AMPH: variants seen among roughly 807,000 people sequenced by gnomAD.
The protein encoded by AMPH is amphiphysin (Stiff-Mann syndrome with breast cancer 128kD autoantigen).
A neutral mutation model predicts 99.1 loss-of-function variants in AMPH; 49 were observed. That is an observed-to-expected ratio of 0.49 (90% CI 0.39 to 0.63). The LOEUF is 0.63. Ranked by LOEUF, AMPH falls within the 20% of genes least tolerant of loss-of-function variation. The pLI is 0.00. For synonymous variants in AMPH, 314 were observed against 317.3 expected, an observed-to-expected ratio of 0.99 and a Z score of 0.11; for missense variants, 759 against 863.4, an observed-to-expected ratio of 0.88 and a Z score of 1.52.
At chr7:38,490,416 AT>A (rs1788675540) in intron 5 of AMPH, among the ~76,000 whole-genome samples, 1 of 152,164 alleles carries the variant, frequency 6.6e-6, no homozygotes, top group Admixed American at 6.5e-5. Context: ...TCCAGAGTCA[AT>A]TCCAAATCTA....
intron 1 of AMPH, among the ~76,000 whole-genome samples, chr7:38,608,668 A>T (rs1201242002): frequency 6.6e-6 from 1 of 152,196 alleles, no homozygotes; most frequent in Non-Finnish European, 1.5e-5. Context: ...ATCAATACTG[A>T]CATCAAACAG....
At chr7:38,624,224 A>G (rs1794165003) in intron 1 of AMPH, among the ~76,000 whole-genome samples, 1 of 152,154 alleles carries the variant, frequency 6.6e-6, no homozygotes, top group Admixed American at 6.5e-5. Context: ...CTTGTCCTCA[A>G]GTACCTACAA....
intron 14 of AMPH, among the ~76,000 whole-genome samples, chr7:38,427,456 A>C (rs953846532): frequency 1.3e-5 from 2 of 152,246 alleles, no homozygotes; most frequent in African/African-American, 4.8e-5. Flanking sequence ...CTTCAGGAAC[A>C]GTAAATTAGT....
intron 20 of AMPH, among the ~76,000 whole-genome samples, chr7:38,387,972 A>G (rs13242630): frequency 6.6e-6 from 1 of 152,016 alleles, no homozygotes; most frequent in Non-Finnish European, 1.5e-5. Flanking sequence ...TAAAGAGTTG[A>G]AAGAAAAAAA....
chr7:38,485,771 G>A (rs1788467081), intron 5 of AMPH, among the ~76,000 whole-genome samples: 1 of 151,786 alleles, frequency 6.6e-6, no homozygotes, highest in Admixed American at 6.6e-5. Context: ...ATTATACCAG[G>A]TATCTTTTCC....
chr7:38,559,559 T>C (rs1270060649), intron 1 of AMPH, among the ~76,000 whole-genome samples: 2 of 152,230 alleles, frequency 1.3e-5, no homozygotes, highest in Non-Finnish European at 2.9e-5. Context: ...CTTGTCTCTC[T>C]GACACTTGGG....
At chr7:38,419,297 C>A (rs1039636312) in intron 16 of AMPH, among the ~76,000 whole-genome samples, 2 of 152,002 alleles carry the variant, frequency 1.3e-5, no homozygotes, top group Non-Finnish European at 2.9e-5. Flanking sequence ...TATGAATAGC[C>A]TAGTGTTGGA....
Position 38,384,344 on chromosome 7 carries a change from G to A in AMPH, c.*474C>T, listed in dbSNP as rs778244760. 5.7e-5 allele frequency: 9 copies of A among 158,412 alleles called. No individual in the cohort carries two copies. The highest frequency in any genetic ancestry group is 1.1e-4 in the Non-Finnish European group (8 of 71,106). The allele number at this position is 158,412 out of a possible 1,614,324, so 9.8% of individuals were successfully genotyped here. On this transcript the variant is annotated 3_prime_UTR_variant, in exon 21 of 21. Coordinates refer to ENST00000356264, the MANE Select transcript of AMPH (RefSeq NM_001635.4). ...TAGATGTGTTGGAAAAGAACATTGA[G>A]AACTTTTGCAGCAGTTTAGTTTTAA...
At chr7:38,398,986 TG>T (rs762141516) in intron 17 of AMPH, among the ~76,000 whole-genome samples, 3 of 151,664 alleles carry the variant, frequency 2.0e-5, no homozygotes, top group Non-Finnish European at 2.9e-5. Flanking sequence ...GCACCTCAGC[TG>T]TGATTTTTGT....
chr7:38,390,357 C>T (rs757463425), intron 19 of AMPH, among the ~76,000 whole-genome samples: 8 of 152,158 alleles, frequency 5.3e-5, no homozygotes, highest in Non-Finnish European at 8.8e-5. Context: ...ATATTTCCTT[C>T]CTTCCCTATC....
chr7:38,432,082 T>C, intron 13 of AMPH, 107 bp downstream of exon 13: 2 of 998,212 alleles, frequency 2.0e-6, no homozygotes, highest in East Asian at 4.7e-5. Context: ...TATATCATCA[T>C]TAAATGTATG....
rs1584326284 is a variant in AMPH, at chr7:38,631,359, G to A, written c.-8C>T. ...CGTCTTGATGTCGGCCATGGCTGCG[G>A]GTCCGGGGAGCTGCGAAGAGCAGAG... On this transcript the variant is annotated 5_prime_UTR_variant, in exon 1 of 21. Coordinates refer to ENST00000356264, the MANE Select transcript of AMPH (RefSeq NM_001635.4). 6.5e-7 allele frequency: 1 copy of A among 1,546,150 alleles called. No homozygotes were observed. Among genetic ancestry groups the A allele is most frequent in the Non-Finnish European group, 8.7e-7 (1 of 1,147,422 alleles).
intron 5 of AMPH, among the ~76,000 whole-genome samples, chr7:38,480,722 T>C (rs994941017): frequency 6.6e-6 from 1 of 152,170 alleles, no homozygotes; most frequent in South Asian, 2.1e-4. Context: ...TTAGGTATGG[T>C]GAACACCATG....
intron 7 of AMPH, 101 bp downstream of exon 7, chr7:38,475,230 G>T: frequency 1.3e-6 from 1 of 767,004 alleles, no homozygotes; most frequent in South Asian, 1.7e-5. Flanking sequence ...TCACTGGACA[G>T]TGTTGAAATG....
At chr7:38,521,853 G>A (rs1284626164) in intron 2 of AMPH, among the ~76,000 whole-genome samples, 1 of 152,136 alleles carries the variant, frequency 6.6e-6, no homozygotes, top group Non-Finnish European at 1.5e-5. Context: ...CTATGTATCT[G>A]AGACCAGGAC....
chr7:38,504,898 T>G (rs992788618), intron 2 of AMPH, among the ~76,000 whole-genome samples: 5 of 152,222 alleles, frequency 3.3e-5, no homozygotes, highest in African/African-American at 1.2e-4. Flanking sequence ...CATAGTCATT[T>G]AACAAAATTG....
chr7:38,581,275 TC>T (rs1792448360), intron 1 of AMPH, among the ~76,000 whole-genome samples: 1 of 150,782 alleles, frequency 6.6e-6, no homozygotes, highest in Admixed American at 6.6e-5. Context: ...GGAATTGCAA[TC>T]TTAAAATGGG....
intron 17 of AMPH, among the ~76,000 whole-genome samples, chr7:38,407,904 C>T (rs1785097995): frequency 6.6e-6 from 1 of 152,144 alleles, no homozygotes; most frequent in Non-Finnish European, 1.5e-5. Context: ...TTCTGCTTGA[C>T]AGTTTTGATA....
Position 38,433,656 on chromosome 7 carries a change from C to T in AMPH, c.1135-1444G>A, listed in dbSNP as rs1786130658. On this transcript the variant is annotated intron_variant, in intron 12 of 20. Transcript: ENST00000356264. ...AGGAGAATGGCATGAACCCGGGAGG[C>T]GGAGCTTGCAGTGAGCCGAGATCCT... 5.3e-5 allele frequency among the ~76,000 whole-genome samples: 4 copies of T among 74,784 alleles called. 1 individual carries two copies. The highest frequency in any genetic ancestry group is 2.5e-4 in the African/African-American group (4 of 16,092). 49.1% of individuals were successfully genotyped at this position (74,784 alleles called of 152,430 possible).
Sources: gnomAD v4.1 joint callset for allele counts (sites outside exome capture counted in the v4.1 genomes callset) on GRCh38, gnomAD v4.1.1 for gene constraint, MANE v1.5 for transcripts, NCBI Gene and HGNC (gene_info 2026-07-23, HGNC 2026-07-21) for gene names.